Variants in CADPS2 observed in about 807,000 individuals in gnomAD.
The protein encoded by CADPS2 is calcium dependent secretion activator 2, also known as calcium-dependent secretion activator 2.
CADPS2 carries 93 observed loss-of-function variants against 172.5 expected under a neutral mutation model. The ratio of observed to expected loss-of-function variants is 0.54; its 90% confidence interval spans 0.46 to 0.64. CADPS2 has a LOEUF of 0.64. CADPS2 is among the 30% of genes least tolerant of loss of function. The probability of loss-of-function intolerance (pLI) is 0.00; values close to 1 mark genes in which losing one functional copy is unlikely to be tolerated. For missense variants in CADPS2, 1,420 were observed against 1,565.9 expected, an observed-to-expected ratio of 0.91 and a Z score of 1.57; for synonymous variants, 546 against 555.2, an observed-to-expected ratio of 0.98 and a Z score of 0.23.
chr7:122,601,718 C>T (rs991040677), intron 6 of CADPS2, among the ~76,000 whole-genome samples: 12 of 151,916 alleles, frequency 7.9e-5, no homozygotes, highest in African/African-American at 2.9e-4. Context: ...TTTACATAGA[C>T]GTACTCTTCC....
At position 122,478,141 on chromosome 7, in the gene CADPS2, C is replaced by T. The variant is rs1343407808; in HGVS notation, c.1861+2711G>A. Among the ~76,000 whole-genome samples the T allele has an allele frequency of 6.6e-5, 10 of 152,256 alleles. No homozygotes were observed. The South Asian group carries it at 1.9e-3, about 28-fold the overall frequency. ...GCAAAACATGCTTTTTAGTCAATTA[C>T]CAAATCCAAGGCTTTAAAATTGGGT... On this transcript the variant is annotated intron_variant, in intron 12 of 29. Coordinates refer to ENST00000449022, the MANE Select transcript of CADPS2 (RefSeq NM_017954.11).
At chr7:122,828,054 T>A (rs1355305009) in intron 1 of CADPS2, among the ~76,000 whole-genome samples, 1 of 152,168 alleles carries the variant, frequency 6.6e-6, no homozygotes, top group East Asian at 1.9e-4. Context: ...TTCCTTTCAG[T>A]TCTATTAATG....
At chr7:122,532,305 T>A (rs960797738) in intron 8 of CADPS2, among the ~76,000 whole-genome samples, 2 of 152,200 alleles carry the variant, frequency 1.3e-5, no homozygotes, top group Non-Finnish European at 2.9e-5. Context: ...TTCAGGCTCA[T>A]CTATTTATCT....
chr7:122,489,155 G>T (rs2058082967), intron 11 of CADPS2, among the ~76,000 whole-genome samples: 1 of 152,100 alleles, frequency 6.6e-6, no homozygotes, highest in Admixed American at 6.6e-5. Flanking sequence ...ATGGTCTGTG[G>T]TTTCTAAAAT....
chr7:122,443,642 C>G (rs1184278588), intron 15 of CADPS2, among the ~76,000 whole-genome samples: 1 of 72,332 alleles, frequency 1.4e-5, no homozygotes, highest in Non-Finnish European at 2.6e-5. Context: ...GAGGAAACTT[C>G]TTTTATCTTT....
intron 2 of CADPS2, among the ~76,000 whole-genome samples, chr7:122,688,492 A>G (rs2083910539): frequency 6.6e-6 from 1 of 152,184 alleles, no homozygotes; most frequent in African/African-American, 2.4e-5. Context: ...AAACTCAGGG[A>G]GACATAGGTA....
At chr7:122,446,096 G>C (rs2052153600) in intron 15 of CADPS2, among the ~76,000 whole-genome samples, 1 of 152,112 alleles carries the variant, frequency 6.6e-6, no homozygotes, top group Admixed American at 6.5e-5. Flanking sequence ...AAGTATGTTA[G>C]CCGTAGGTCT....
intron 6 of CADPS2, among the ~76,000 whole-genome samples, chr7:122,597,268 T>A (rs746757889): frequency 4.6e-5 from 7 of 152,066 alleles, no homozygotes; most frequent in Admixed American, 6.6e-5. Flanking sequence ...CACTAATAAG[T>A]CCTGCCTCAC....
At chr7:122,564,024 G>A (rs889522955) in intron 7 of CADPS2, among the ~76,000 whole-genome samples, 1 of 151,978 alleles carries the variant, frequency 6.6e-6, no homozygotes, top group Non-Finnish European at 1.5e-5. Context: ...CAACCATTAA[G>A]TATAATAAAA....
chr7:122,432,418 T>C (rs1361440692), intron 17 of CADPS2, among the ~76,000 whole-genome samples: 1 of 152,032 alleles, frequency 6.6e-6, no homozygotes, highest in Non-Finnish European at 1.5e-5. Context: ...GGCTGGTGGA[T>C]CACCTGAGGT....
At chr7:122,780,082 T>C (rs759744518) in intron 1 of CADPS2, among the ~76,000 whole-genome samples, 44 of 152,208 alleles carry the variant, frequency 2.9e-4, no homozygotes, top group Non-Finnish European at 6.3e-4. Flanking sequence ...AAAAGAGGTA[T>C]GTAGTCTCAA....
chr7:122,869,848 T>C (rs1054110346), intron 1 of CADPS2, among the ~76,000 whole-genome samples: 20 of 152,178 alleles, frequency 1.3e-4, no homozygotes, highest in African/African-American at 4.3e-4. Context: ...AGTAAAAGTA[T>C]AGAGTTTGTG....
intron 7 of CADPS2, among the ~76,000 whole-genome samples, chr7:122,563,025 A>G (rs1417112060): frequency 6.6e-6 from 1 of 152,158 alleles, no homozygotes; most frequent in Admixed American, 6.5e-5. Context: ...CCTTTCTTGA[A>G]GATTCCAAAA....
chr7:122,860,601 A>G (rs1816700230), intron 1 of CADPS2, among the ~76,000 whole-genome samples: 2 of 152,278 alleles, frequency 1.3e-5, no homozygotes, highest in South Asian at 4.1e-4. Context: ...AAGAACATTA[A>G]AACATTTAAG....
At chr7:122,385,424 A>G (rs2043510380) in intron 24 of CADPS2, among the ~76,000 whole-genome samples, 1 of 152,026 alleles carries the variant, frequency 6.6e-6, no homozygotes, top group African/African-American at 2.4e-5. Flanking sequence ...AGGCCTTCCC[A>G]TCTATTTTCA....
chr7:122,645,429 A>G (rs1251893605), intron 3 of CADPS2, among the ~76,000 whole-genome samples: 5 of 100,758 alleles, frequency 5.0e-5, no homozygotes, highest in African/African-American at 1.3e-4. Context: ...ATATGTGTGT[A>G]TATATGTATA....
At chr7:122,804,759 C>T (rs1360597355) in intron 1 of CADPS2, among the ~76,000 whole-genome samples, 2 of 152,162 alleles carry the variant, frequency 1.3e-5, no homozygotes, top group Admixed American at 6.5e-5. Context: ...CTTATATGCT[C>T]TGTAAGATTT....
At chr7:122,786,368 G>A (rs1404829245) in intron 1 of CADPS2, among the ~76,000 whole-genome samples, 1 of 152,176 alleles carries the variant, frequency 6.6e-6, no homozygotes, top group Non-Finnish European at 1.5e-5. Flanking sequence ...ATCAGATAAT[G>A]TCTGGAGCAA....
At chr7:122,812,092 G>T (rs1417761673) in intron 1 of CADPS2, among the ~76,000 whole-genome samples, 1 of 151,228 alleles carries the variant, frequency 6.6e-6, no homozygotes, top group East Asian at 1.9e-4. Context: ...AAGGACTAAA[G>T]ATTCTACTTG....
Sources: gnomAD v4.1 joint callset for allele counts (sites outside exome capture counted in the v4.1 genomes callset) on GRCh38, gnomAD v4.1.1 for gene constraint, MANE v1.5 for transcripts, NCBI Gene and HGNC (gene_info 2026-07-23, HGNC 2026-07-21) for gene names.